The following CNTLN variants were observed in gnomAD, a reference collection of about 807,000 sequenced individuals.
The protein encoded by CNTLN is centlein.
Under a neutral mutation model 180.0 loss-of-function variants are expected in CNTLN, and 212 were observed. The ratio of observed to expected loss-of-function variants is 1.18; its 90% CI spans 1.05 to 1.32. The LOEUF is 1.32. Among genes scored for constraint, CNTLN ranks in the 40% most tolerant of loss-of-function variants. The probability of loss-of-function intolerance (pLI) is 0.00; values close to 1 mark genes in which losing one functional copy is unlikely to be tolerated. For missense variants in CNTLN, 2,095 were observed against 1,610.9 expected (o/e 1.30, Z -5.14); for synonymous variants, 722 against 563.1 (o/e 1.28, Z -3.99).
At chr9:17,483,399 A>T (rs1832744182) in intron 23 of CNTLN, among the ~76,000 whole-genome samples, 2 of 152,190 alleles carry the variant, frequency 1.3e-5, no homozygotes, top group Admixed American at 6.5e-5. Context: ...GGATAGAATT[A>T]AGTAACAGCT....
chr9:17,458,165 C>G lies in CNTLN; in HGVS notation c.3306+450C>G, dbSNP rs979804223. ...TTATCTCCTCCTTCTCTGTCTCCAA[C>G]CAACAACCAACTTAAAATAGTAGGA... On this transcript the variant is annotated intron_variant, in intron 19 of 25. Coordinates refer to ENST00000380647, the MANE Select transcript of CNTLN (RefSeq NM_017738.4). Among the ~76,000 whole-genome samples the G allele has an allele frequency of 6.6e-5, 10 of 151,308 alleles. 1 individual carries two copies. Among genetic ancestry groups the G allele is most frequent in the Middle Eastern group, 3.4e-3 (1 of 294 alleles).
chr9:17,197,638 C>T (rs1430274693), intron 2 of CNTLN, among the ~76,000 whole-genome samples: 1 of 151,972 alleles, frequency 6.6e-6, no homozygotes, highest in Admixed American at 6.6e-5. Context: ...GTTATTAATC[C>T]ATTGTCAGAT....
chr9:17,481,488 C>T (rs543924902), intron 23 of CNTLN, among the ~76,000 whole-genome samples: 60 of 152,296 alleles, frequency 3.9e-4, no homozygotes, highest in African/African-American at 1.4e-3. Flanking sequence ...ACCAACCACA[C>T]AGCAAAGCCA....
intron 13 of CNTLN, among the ~76,000 whole-genome samples, chr9:17,379,107 T>G (rs1825015990): frequency 6.6e-6 from 1 of 152,152 alleles, no homozygotes; most frequent in African/African-American, 2.4e-5. Context: ...GTGAATTGTT[T>G]CTGATAAGAA....
intron 5 of CNTLN, among the ~76,000 whole-genome samples, chr9:17,265,377 T>C (rs933857556): frequency 3.3e-5 from 5 of 152,174 alleles, no homozygotes; most frequent in Non-Finnish European, 5.9e-5. Context: ...AGCCTTGCAT[T>C]CTAGGGATGA....
chr9:17,157,908 A>G (rs1035037610), intron 2 of CNTLN, among the ~76,000 whole-genome samples: 4 of 152,228 alleles, frequency 2.6e-5, no homozygotes, highest in Admixed American at 6.5e-5. Flanking sequence ...CTGAGGGATC[A>G]GTGTTCACAA....
chr9:17,415,730 G>C lies in CNTLN; in HGVS notation c.2797-58G>C, dbSNP rs1051416130. The C allele has an allele frequency of 2.9e-6, 3 of 1,050,826 alleles. No individual in the cohort carries two copies. In the African/African-American group the frequency reaches 4.8e-5, roughly 17 times the overall value. 65.1% of individuals were successfully genotyped at this position (1,050,826 alleles called of 1,614,324 possible). On this transcript the variant is annotated intron_variant, in intron 16 of 25. Coordinates refer to ENST00000380647, the MANE Select transcript of CNTLN (RefSeq NM_017738.4). ...AAGTAAAGAGATGTTATTTATATCAGTTCACTTGATGTTGTTATTGAAGAA... is the reference window on the plus strand; with the variant it reads ...AAGTAAAGAGATGTTATTTATATCACTTCACTTGATGTTGTTATTGAAGAA...
chr9:17,375,448 C>G (rs1246856326), intron 13 of CNTLN, among the ~76,000 whole-genome samples: 2 of 152,028 alleles, frequency 1.3e-5, no homozygotes, highest in African/African-American at 2.4e-5. Context: ...CCCCATTTAC[C>G]CTGATATGAT....
At chr9:17,386,545 G>C (rs112253020) in intron 13 of CNTLN, among the ~76,000 whole-genome samples, 8 of 152,268 alleles carry the variant, frequency 5.3e-5, no homozygotes, top group African/African-American at 1.9e-4. Context: ...AAGAGAAAGA[G>C]AATCAAGGGC....
At chr9:17,301,727 T>C (rs979712597) in intron 7 of CNTLN, 2 of 947,134 alleles carry the variant, frequency 2.1e-6, no homozygotes, top group East Asian at 2.3e-4. Flanking sequence ...TTATTTATTC[T>C]TTATAAATTT....
chr9:17,208,101 T>G (rs528164052), intron 2 of CNTLN, among the ~76,000 whole-genome samples: 1 of 152,294 alleles, frequency 6.6e-6, no homozygotes, highest in South Asian at 2.1e-4. Context: ...TAGCTTTTGG[T>G]TTGTCATTTA....
In CNTLN at chr9:17,456,255, TA is replaced by T. The variant is rs138170539; in HGVS notation, c.3115-1268del. Among the ~76,000 whole-genome samples the T allele has an allele frequency of 8.3e-3, 1,260 of 152,272 alleles. 14 individuals carry two copies. The highest frequency in any genetic ancestry group is 0.028 in the African/African-American group (1,173 of 41,566). On this transcript the variant is annotated intron_variant, in intron 18 of 25. Transcript: ENST00000380647. ...TAAGAGTTTACTTTTAGATATTAAT[TA>T]TTAGGCTCTTTTGGGGCAACTCATG...
intron 5 of CNTLN, among the ~76,000 whole-genome samples, chr9:17,239,116 C>A (rs1825331799): frequency 6.6e-6 from 1 of 152,174 alleles, no homozygotes; most frequent in Non-Finnish European, 1.5e-5. Context: ...CAGCTCACTG[C>A]AACCTCTGCC....
chr9:17,415,824 T>C lies in CNTLN; in HGVS notation c.2833T>C (p.Phe945Leu). The C allele has an allele frequency of 6.2e-7, 1 of 1,612,604 alleles. No individual in the cohort carries two copies. The highest frequency in any genetic ancestry group is 8.5e-7 in the Non-Finnish European group (1 of 1,179,296). Residue 945 changes from phenylalanine to leucine, a missense_variant, in exon 17 of 26, where the codon TTT becomes CTT. Coordinates refer to ENST00000380647, the MANE Select transcript of CNTLN (RefSeq NM_017738.4). The part of the protein sequence containing the change: ...FHDKNAKKPT[F>L]QKKNCKMQKS... ...TGATAAGAATGCCAAAAAACCAACT[T>C]TTCAAAAGAAGAATTGCAAGATGCA... is the stretch of plus-strand genomic sequence containing the variant.
chr9:17,407,913 G>A (rs1171563318), intron 15 of CNTLN, among the ~76,000 whole-genome samples: 4 of 151,766 alleles, frequency 2.6e-5, no homozygotes, highest in Non-Finnish European at 4.4e-5. Context: ...ATTACCTGAG[G>A]TCAGGAGTTC....
At chr9:17,260,105 G>A (rs1826839610) in intron 5 of CNTLN, among the ~76,000 whole-genome samples, 2 of 145,936 alleles carry the variant, frequency 1.4e-5, no homozygotes, top group African/African-American at 2.7e-5. Flanking sequence ...TTTCTCTTGT[G>A]GGCATTTAGT....
At chr9:17,367,214 C>G (rs932354261) in intron 13 of CNTLN, among the ~76,000 whole-genome samples, 1 of 152,200 alleles carries the variant, frequency 6.6e-6, no homozygotes, top group African/African-American at 2.4e-5. Context: ...GACTGTTGGA[C>G]TTTGCATTGA....
intron 5 of CNTLN, among the ~76,000 whole-genome samples, chr9:17,242,113 T>G (rs79320337): frequency 0.019 from 2,826 of 152,298 alleles, 83 homozygotes; most frequent in African/African-American, 0.065. Context: ...ATTCTTGTCA[T>G]GTTTCAGATT....
intron 2 of CNTLN, among the ~76,000 whole-genome samples, chr9:17,157,053 G>C (rs1807722644): frequency 6.6e-6 from 1 of 152,176 alleles, no homozygotes; most frequent in Non-Finnish European, 1.5e-5. Context: ...ACTGTCTACT[G>C]TCTCCTCGAT....
Sources: gnomAD v4.1 joint callset for allele counts (sites outside exome capture counted in the v4.1 genomes callset) on GRCh38, gnomAD v4.1.1 for gene constraint, MANE v1.5 for transcripts, NCBI Gene and HGNC (gene_info 2026-07-23, HGNC 2026-07-21) for gene names.